GPR39: variants seen among roughly 807,000 people sequenced by gnomAD.
GPR39 encodes the protein G protein-coupled receptor 39.
GPR39 carries 23 observed loss-of-function variants against 18.4 expected under a neutral mutation model. The ratio of observed to expected loss-of-function variants is 1.25; its 90% CI spans 0.90 to 1.77. The LOEUF (loss-of-function observed/expected upper bound fraction) is 1.77, where lower values mean the gene tolerates loss of function less well. Ranked by LOEUF, GPR39 falls within the 40% of genes most tolerant of loss-of-function variation. The pLI, the probability that GPR39 is intolerant of heterozygous loss-of-function variation, is 0.00. For synonymous variants in GPR39, 280 were observed against 257.9 expected, an observed-to-expected ratio of 1.09 and a Z score of -0.82; for missense variants, 647 against 602.4, an observed-to-expected ratio of 1.07 and a Z score of -0.78.
intron 1 of GPR39, among the ~76,000 whole-genome samples, chr2:132,552,911 TATATATACAC>T (rs1680073575): frequency 1.4e-5 from 1 of 71,296 alleles, no homozygotes; most frequent in Non-Finnish European, 2.4e-5. Context: ...TACACACACA[TATATATACAC>T]ACACACACAC....
chr2:132,429,003 A>G (rs1188991524), intron 1 of GPR39, among the ~76,000 whole-genome samples: 1 of 152,248 alleles, frequency 6.6e-6, no homozygotes, highest in Non-Finnish European at 1.5e-5. Flanking sequence ...AAAATGAGGC[A>G]TTGGGTCTGT....
intron 1 of GPR39, among the ~76,000 whole-genome samples, chr2:132,582,915 C>A (rs866175401): frequency 9.8e-6 from 1 of 101,600 alleles, no homozygotes. Context: ...TTCTTTCTTT[C>A]TTTTTTTTTT....
At chr2:132,427,852 A>G (rs1011694881) in intron 1 of GPR39, among the ~76,000 whole-genome samples, 2 of 147,650 alleles carry the variant, frequency 1.4e-5, no homozygotes, top group African/African-American at 5.0e-5. Flanking sequence ...GTGCACTACC[A>G]TACTTGGCTT....
intron 1 of GPR39, among the ~76,000 whole-genome samples, chr2:132,456,193 T>G (rs186285015): frequency 6.6e-6 from 1 of 152,134 alleles, no homozygotes; most frequent in Non-Finnish European, 1.5e-5. Context: ...AGGATAGTTA[T>G]CTCTTCTTGT....
At position 132,645,866 on chromosome 2, in the gene GPR39, A is replaced by ATTTATT. The variant is rs1202061537; in HGVS notation, c.*261_*266dup. ...CATACTGAAAATTCAGTCAGGCTGA[A>ATTTATT]TTTATTCAGAATGCTTTACCGAGCT... On this transcript the variant is annotated 3_prime_UTR_variant, in exon 2 of 2. Transcript: ENST00000329321. 9.1e-6 allele frequency: 6 copies of ATTTATT among 659,398 alleles called. No homozygotes were observed. The Admixed American group carries it at 9.9e-5, about 11-fold the overall frequency. The allele number at this position is 659,398 out of a possible 1,614,324, so 40.8% of individuals were successfully genotyped here.
At chr2:132,490,646 G>T (rs548982277) in intron 1 of GPR39, among the ~76,000 whole-genome samples, 1 of 151,912 alleles carries the variant, frequency 6.6e-6, no homozygotes, top group Non-Finnish European at 1.5e-5. Context: ...GAGGCAGGAG[G>T]GGGAGGATGA....
intron 1 of GPR39, among the ~76,000 whole-genome samples, chr2:132,577,383 C>T (rs551304710): frequency 3.0e-3 from 457 of 152,120 alleles, no homozygotes; most frequent in Admixed American, 6.3e-3. Flanking sequence ...AGTTCCTTTG[C>T]CTTTCAATAT....
chr2:132,417,148 G>T lies in GPR39; in HGVS notation c.106G>T (p.Val36Leu), dbSNP rs138684686. ...ATWIKITLIL[V>L]YLIIFVMGLL... ...CTGGATCAAAATCACCCTTATTCTGGTGTACCTGATCATCTTCGTGATGGG... is the reference window on the plus strand; with the variant it reads ...CTGGATCAAAATCACCCTTATTCTGTTGTACCTGATCATCTTCGTGATGGG... Residue 36 changes from valine to leucine, a missense_variant, in exon 1 of 2, where the codon GTG becomes TTG. This residue lies in a region of GPR39 where 61 missense variants were observed against 79.2 expected (regional missense o/e 0.77). Transcript: ENST00000329321. 5.6e-6 allele frequency: 9 copies of T among 1,614,016 alleles called. No individual in the cohort carries two copies. The highest frequency in any genetic ancestry group is 7.6e-6 in the Non-Finnish European group (9 of 1,180,038).
At chr2:132,563,723 T>G (rs547943568) in intron 1 of GPR39, among the ~76,000 whole-genome samples, 14 of 152,312 alleles carry the variant, frequency 9.2e-5, no homozygotes, top group Middle Eastern at 3.4e-3. Flanking sequence ...CCAAGCCAAT[T>G]AAATGAGAAC....
chr2:132,438,573 C>CTTTTTT (rs35614907), intron 1 of GPR39, among the ~76,000 whole-genome samples: 1 of 97,760 alleles, frequency 1.0e-5, no homozygotes, highest in African/African-American at 3.8e-5. Context: ...TGTCAGCAAG[C>CTTTTTT]TTTTTTTTTT....
intron 1 of GPR39, among the ~76,000 whole-genome samples, chr2:132,626,530 C>G (rs1573706013): frequency 1.3e-5 from 2 of 152,172 alleles, no homozygotes; most frequent in African/African-American, 2.4e-5. Flanking sequence ...TAAACAAGAA[C>G]CAAGTAAATA....
intron 1 of GPR39, among the ~76,000 whole-genome samples, chr2:132,634,400 C>A (rs1681711901): frequency 6.6e-6 from 1 of 152,040 alleles, no homozygotes. Flanking sequence ...CTGTTCCAGT[C>A]AGGTAGAGGC....
intron 1 of GPR39, among the ~76,000 whole-genome samples, chr2:132,426,001 T>A (rs1032650523): frequency 1.3e-5 from 2 of 152,232 alleles, no homozygotes; most frequent in African/African-American, 4.8e-5. Context: ...TTTAAGCCAC[T>A]AAATTTTTGA....
At chr2:132,518,319 C>T (rs913766392) in intron 1 of GPR39, among the ~76,000 whole-genome samples, 2 of 152,232 alleles carry the variant, frequency 1.3e-5, no homozygotes, top group Non-Finnish European at 2.9e-5. Flanking sequence ...TTATGTCCCT[C>T]TCCAATTAGA....
At chr2:132,554,933 A>G (rs1680119841) in intron 1 of GPR39, among the ~76,000 whole-genome samples, 1 of 147,898 alleles carries the variant, frequency 6.8e-6, no homozygotes, top group South Asian at 2.2e-4. Context: ...TGGCTGCCAC[A>G]TTCACTTCCA....
intron 1 of GPR39, among the ~76,000 whole-genome samples, chr2:132,516,325 T>C (rs189556464): frequency 6.6e-6 from 1 of 152,288 alleles, no homozygotes; most frequent in African/African-American, 2.4e-5. Context: ...CAGACCCTGC[T>C]CAGACATTGG....
chr2:132,472,918 C>T (rs1681059300), intron 1 of GPR39, among the ~76,000 whole-genome samples: 1 of 151,990 alleles, frequency 6.6e-6, no homozygotes, highest in Admixed American at 6.6e-5. Flanking sequence ...TGATTAAGAA[C>T]TCTCTAGGTC....
At chr2:132,529,545 G>T (rs571522231) in intron 1 of GPR39, among the ~76,000 whole-genome samples, 9 of 152,312 alleles carry the variant, frequency 5.9e-5, no homozygotes, top group Non-Finnish European at 1.0e-4. Context: ...GAGAATGGGC[G>T]GACTGCCTCC....
At chr2:132,590,425 C>G (rs576398278) in intron 1 of GPR39, among the ~76,000 whole-genome samples, 1 of 152,204 alleles carries the variant, frequency 6.6e-6, no homozygotes, top group South Asian at 2.1e-4. Flanking sequence ...CCCAGAGTGT[C>G]ACTGGTTTCC....
Sources: allele counts gnomAD v4.1 joint callset (sites outside exome capture counted in the v4.1 genomes callset), GRCh38; gene constraint gnomAD v4.1.1; regional missense constraint gnomAD v4.1.1; transcripts MANE v1.5; gene names NCBI Gene and HGNC (gene_info 2026-07-23, HGNC 2026-07-21).